SLC4A4: variants seen among roughly 807,000 people sequenced by gnomAD.
SLC4A4 encodes electrogenic sodium bicarbonate cotransporter 1.
SLC4A4 carries 27 observed loss-of-function variants against 111.5 expected under a neutral mutation model. The ratio of observed to expected loss-of-function variants is 0.24; its 90% CI spans 0.18 to 0.33. The LOEUF is 0.33. Ranked by LOEUF, SLC4A4 falls within the 10% of genes least tolerant of loss-of-function variation. The pLI, the probability that SLC4A4 is intolerant of heterozygous loss-of-function variation, is 1.00. For missense variants in SLC4A4, 909 were observed against 1,315.5 expected, an observed-to-expected ratio of 0.69 and a Z score of 4.78; for synonymous variants, 443 against 463.4, an observed-to-expected ratio of 0.96 and a Z score of 0.57.
At chr4:71,561,534 T>C (rs533450222) in intron 23 of SLC4A4, among the ~76,000 whole-genome samples, 1 of 151,858 alleles carries the variant, frequency 6.6e-6, no homozygotes, top group East Asian at 2.0e-4. Context: ...AGAGACAGAA[T>C]TGGATTTCAC....
chr4:71,195,204 T>A (rs1005885360), intron 1 of SLC4A4, among the ~76,000 whole-genome samples: 5 of 151,348 alleles, frequency 3.3e-5, no homozygotes, highest in Non-Finnish European at 7.4e-5. Context: ...AAGACTGATG[T>A]TCTTTTCCTT....
chr4:71,087,094 T>G (rs1261360256), intron 1 of SLC4A4, among the ~76,000 whole-genome samples: 2 of 152,012 alleles, frequency 1.3e-5, no homozygotes, highest in African/African-American at 2.4e-5. Context: ...CCTGTTATTG[T>G]TCTTTTCAGA....
At chr4:71,237,888 C>T (rs1053477782) in intron 2 of SLC4A4, among the ~76,000 whole-genome samples, 1 of 152,114 alleles carries the variant, frequency 6.6e-6, no homozygotes, top group Non-Finnish European at 1.5e-5. Context: ...TATTTTCTTT[C>T]ATATTGTTTT....
At chr4:71,147,244 C>T (rs567507849) in intron 2 of SLC4A4, among the ~76,000 whole-genome samples, 9 of 152,170 alleles carry the variant, frequency 5.9e-5, no homozygotes, top group African/African-American at 2.2e-4. Context: ...GAAGCCCTCC[C>T]CTTTCTCTCC....
At chr4:71,170,537 C>A (rs1400430697) in intron 2 of SLC4A4, among the ~76,000 whole-genome samples, 2 of 152,256 alleles carry the variant, frequency 1.3e-5, no homozygotes, top group East Asian at 3.9e-4. Flanking sequence ...ATCAAGGGGG[C>A]TTTTACTATA....
rs1269813708 is a variant in SLC4A4 at position 71,570,122 on chromosome 4, T to G, written c.*2371T>G. The G allele has an allele frequency of 6.6e-6, 1 of 151,934 alleles. No individual in the cohort carries two copies. The highest frequency in any genetic ancestry group is 2.1e-4 in the South Asian group (1 of 4,824). The allele number at this position is 151,934 out of a possible 1,614,324, so 9.4% of individuals were successfully genotyped here. A position where few individuals can be genotyped will look rare whatever the true frequency, so the allele number is the denominator to read the frequency against. ...TGATCTTCTTAAGTTAAAGGTACTT[T>G]TGTTTTATAAAAGCTCTAGATAAAA... is the stretch of plus-strand genomic sequence containing the variant. On this transcript the variant is annotated 3_prime_UTR_variant, in exon 26 of 26. Transcript: ENST00000264485.
At chr4:71,422,309 G>A (rs1193282409) in intron 7 of SLC4A4, among the ~76,000 whole-genome samples, 4 of 146,026 alleles carry the variant, frequency 2.7e-5, no homozygotes, top group Admixed American at 6.9e-5. Context: ...TCTCTGAATA[G>A]ACCAATAACA....
At chr4:71,266,622 T>C (rs982086456) in intron 3 of SLC4A4, among the ~76,000 whole-genome samples, 1 of 152,184 alleles carries the variant, frequency 6.6e-6, no homozygotes, top group African/African-American at 2.4e-5. Context: ...TTCGACTCTT[T>C]TTTTTCTGGC....
rs1284783144 is a variant in SLC4A4 at position 71,453,547 on chromosome 4, A to G, written c.1375A>G (p.Ser459Gly). 2 of 1,613,994 alleles carry G rather than the reference A, an allele frequency of 1.2e-6. No individual in the cohort carries two copies. The highest frequency in any genetic ancestry group is 1.7e-6 in the Non-Finnish European group (2 of 1,179,906). ...AAAGAGGAAAGCGCCATTTTTTGCC[A>G]GTGATTTTTATGATGCTTTAAATAT... is the stretch of plus-strand genomic sequence containing the variant. ...DIKRKAPFFA[S>G]DFYDALNIQA... Residue 459 changes from serine (S) to glycine (G), a missense_variant, in exon 12 of 26, where the codon AGT becomes GGT. This residue lies in a region of SLC4A4 where 312 missense variants were observed against 402.0 expected (regional missense o/e 0.78). Coordinates refer to ENST00000264485, the MANE Select transcript of SLC4A4 (RefSeq NM_001098484.3).
intron 13 of SLC4A4, among the ~76,000 whole-genome samples, chr4:71,470,187 C>T (rs757283198): frequency 6.6e-6 from 1 of 151,948 alleles, no homozygotes; most frequent in Admixed American, 6.6e-5. Context: ...TTCTAGAACT[C>T]AGTTTTTTCT....
At chr4:71,138,047 T>C (rs1395783749) in intron 2 of SLC4A4, among the ~76,000 whole-genome samples, 1 of 152,190 alleles carries the variant, frequency 6.6e-6, no homozygotes, top group Non-Finnish European at 1.5e-5. Context: ...GCCAAATTCA[T>C]TTCTATATTT....
chr4:71,552,587 G>A (rs1187288493), intron 20 of SLC4A4, among the ~76,000 whole-genome samples: 1 of 151,858 alleles, frequency 6.6e-6, no homozygotes, highest in Non-Finnish European at 1.5e-5. Context: ...GAAAAATTTG[G>A]TGACATGGTC....
chr4:71,253,015 T>C (rs908840980), intron 2 of SLC4A4, among the ~76,000 whole-genome samples: 1 of 152,196 alleles, frequency 6.6e-6, no homozygotes, highest in African/African-American at 2.4e-5. Flanking sequence ...GTGTCAATTC[T>C]GAACGCTCCC....
At chr4:71,488,848 C>G (rs996584212) in intron 15 of SLC4A4, among the ~76,000 whole-genome samples, 5 of 149,406 alleles carry the variant, frequency 3.3e-5, no homozygotes, top group Non-Finnish European at 7.4e-5. Context: ...TGTGAAGGTG[C>G]TATGTTCAGC....
chr4:71,396,079 G>T (rs914395987), intron 6 of SLC4A4, among the ~76,000 whole-genome samples: 1 of 152,172 alleles, frequency 6.6e-6, no homozygotes, highest in Non-Finnish European at 1.5e-5. Context: ...TTTGTATTGA[G>T]TGGACACTAG....
At chr4:71,336,018 A>T (rs1049009942) in intron 3 of SLC4A4, among the ~76,000 whole-genome samples, 20 of 152,214 alleles carry the variant, frequency 1.3e-4, no homozygotes, top group Non-Finnish European at 2.2e-4. Flanking sequence ...TTTTCCCTAC[A>T]TACATGTAAA....
At chr4:71,212,854 C>G (rs12650627) in intron 1 of SLC4A4, among the ~76,000 whole-genome samples, 18,117 of 152,106 alleles carry the variant, frequency 0.12, 1,748 homozygotes, top group African/African-American at 0.25. Context: ...GAAGTAAATA[C>G]AGTCATTCCT....
chr4:71,217,720 G>T (rs1408518683), intron 1 of SLC4A4, among the ~76,000 whole-genome samples: 1 of 152,210 alleles, frequency 6.6e-6, no homozygotes, highest in African/African-American at 2.4e-5. Flanking sequence ...GAAACTCTCA[G>T]CTGGTCATCA....
At chr4:71,073,356 A>G (rs998495764) in intron 1 of SLC4A4, among the ~76,000 whole-genome samples, 2 of 152,296 alleles carry the variant, frequency 1.3e-5, no homozygotes, top group South Asian at 2.1e-4. Flanking sequence ...AACACATTTA[A>G]ATTTTTGTAA....
Sources: allele counts gnomAD v4.1 joint callset (sites outside exome capture counted in the v4.1 genomes callset), GRCh38; gene constraint gnomAD v4.1.1; regional missense constraint gnomAD v4.1.1; transcripts MANE v1.5; gene names NCBI Gene and HGNC (gene_info 2026-07-23, HGNC 2026-07-21).